Variants in CACNA2D2 observed in about 807,000 individuals in gnomAD.
CACNA2D2 encodes the protein calcium voltage-gated channel auxiliary subunit alpha2delta 2.
CACNA2D2 carries 48 observed loss-of-function variants against 166.4 expected under a neutral mutation model. That is an observed-to-expected ratio of 0.29 (90% CI 0.23 to 0.37). The LOEUF (loss-of-function observed/expected upper bound fraction) is 0.37, where lower values mean the gene tolerates loss of function less well. Ranked by LOEUF, CACNA2D2 falls within the 10% of genes least tolerant of loss-of-function variation. The pLI is 1.00. For synonymous variants in CACNA2D2, 561 were observed against 573.7 expected (o/e 0.98, Z 0.32); for missense variants, 1,122 against 1,433.0 (o/e 0.78, Z 3.50).
chr3:50,472,602 T>C (rs1050689464), intron 2 of CACNA2D2, among the ~76,000 whole-genome samples: 3 of 151,010 alleles, frequency 2.0e-5, no homozygotes, highest in Non-Finnish European at 2.9e-5. Context: ...TTCTTCATCA[T>C]GTCTGACTAT....
chr3:50,495,276 TC>T (rs762977853), intron 1 of CACNA2D2, among the ~76,000 whole-genome samples: 33 of 152,122 alleles, frequency 2.2e-4, no homozygotes, highest in Non-Finnish European at 4.3e-4. Context: ...GCACCCAGGC[TC>T]CCTGCCCCCA....
intron 1 of CACNA2D2, among the ~76,000 whole-genome samples, chr3:50,498,096 G>A (rs533976323): frequency 2.0e-5 from 3 of 152,250 alleles, no homozygotes; most frequent in African/African-American, 7.2e-5. Flanking sequence ...GCAAATCTCC[G>A]CACGGGAGTG....
chr3:50,398,716 G>A (rs747666346), intron 3 of CACNA2D2, among the ~76,000 whole-genome samples: 27 of 152,208 alleles, frequency 1.8e-4, no homozygotes, highest in Middle Eastern at 3.2e-3. Context: ...TCCCCATCAT[G>A]GCCAGGGTAT....
chr3:50,429,124 G>A, intron 3 of CACNA2D2, among the ~76,000 whole-genome samples: 1 of 152,100 alleles, frequency 6.6e-6, no homozygotes, highest in Non-Finnish European at 1.5e-5. Context: ...CGGCTACCTG[G>A]GAGGCTGAGG....
Position 50,473,120 on chromosome 3 carries a change from G to GCTATGCA in CACNA2D2, c.288+2991_288+2997dup, listed in dbSNP as rs1710168441. On this transcript the variant is annotated intron_variant, in intron 2 of 37. Coordinates refer to ENST00000424201, the MANE Select transcript of CACNA2D2 (RefSeq NM_006030.4). ...GCACCAGGCCACAAGGAGAGCTCCA[G>GCTATGCA]CTATGCACTAGCTGCGATGTTAGAT... is the stretch of plus-strand genomic sequence containing the variant. Among the ~76,000 whole-genome samples, 3 of 152,336 alleles carry GCTATGCA rather than the reference G, an allele frequency of 2.0e-5. No individual in the cohort carries two copies. The South Asian group carries it at 6.2e-4, about 32-fold the overall frequency.
intron 2 of CACNA2D2, among the ~76,000 whole-genome samples, chr3:50,441,958 A>G (rs1328733249): frequency 6.6e-6 from 1 of 152,220 alleles, no homozygotes; most frequent in African/African-American, 2.4e-5. Flanking sequence ...GCCCCCCACC[A>G]CAGGGACTAT....
Position 50,366,746 on chromosome 3 carries a change from G to A in CACNA2D2, c.2589+85C>T. On this transcript the variant is annotated intron_variant, in intron 29 of 37. Coordinates refer to ENST00000424201, the MANE Select transcript of CACNA2D2 (RefSeq NM_006030.4). This position sits in a 1 kb window ranked among gnomAD's most constrained non-coding sequence, Gnocchi z 5.9. ...GCCCTGCCTCCATGTAGGTGTTGGA[G>A]CCACTGAGTGGAGGGTTGGTGGGGG... 1.3e-6 allele frequency: 2 copies of A among 1,546,020 alleles called. No homozygotes were observed. Among genetic ancestry groups the A allele is most frequent in the Admixed American group, 3.5e-5 (2 of 57,546 alleles).
chr3:50,381,728 C>T (rs587675717), intron 6 of CACNA2D2, among the ~76,000 whole-genome samples: 1 of 152,120 alleles, frequency 6.6e-6, no homozygotes, highest in South Asian at 2.1e-4. Context: ...CACGCATGCG[C>T]ACACTGCACA....
intron 2 of CACNA2D2, among the ~76,000 whole-genome samples, chr3:50,435,530 AGATAAGGAGGGGG>A (rs932673581): frequency 2.0e-5 from 3 of 150,796 alleles, no homozygotes; most frequent in Admixed American, 1.3e-4. Flanking sequence ...TGATGAGGGG[AGATAAGGAGGGGG>A]GAGAGGCAGC....
At chr3:50,482,241 C>T (rs1049062918) in intron 1 of CACNA2D2, among the ~76,000 whole-genome samples, 2 of 152,214 alleles carry the variant, frequency 1.3e-5, no homozygotes, top group Non-Finnish European at 2.9e-5. Flanking sequence ...TAGGCCCTCG[C>T]CCTGCTGCAA....
chr3:50,494,244 A>G, intron 1 of CACNA2D2, among the ~76,000 whole-genome samples: 1 of 150,190 alleles, frequency 6.7e-6, no homozygotes, highest in East Asian at 2.0e-4. Flanking sequence ...TCATAACTGA[A>G]GTGGGGGCAG....
intron 4 of CACNA2D2, among the ~76,000 whole-genome samples, chr3:50,391,887 A>C (rs1025622203): frequency 2.0e-5 from 3 of 152,186 alleles, no homozygotes; most frequent in Non-Finnish European, 4.4e-5. Flanking sequence ...AGAGGTAAGA[A>C]GACTGCTGCT....
At chr3:50,404,942 A>C (rs979644185) in intron 3 of CACNA2D2, among the ~76,000 whole-genome samples, 12 of 152,182 alleles carry the variant, frequency 7.9e-5, no homozygotes, top group African/African-American at 2.9e-4. Context: ...ATGTATTCCC[A>C]CCTGAAAGCT....
intron 2 of CACNA2D2, among the ~76,000 whole-genome samples, chr3:50,473,810 T>C (rs1002444489): frequency 1.3e-5 from 2 of 151,924 alleles, no homozygotes; most frequent in African/African-American, 4.8e-5. Flanking sequence ...CTCACCAGAG[T>C]GCCCCGTGCC....
At chr3:50,382,805 G>A (rs909753165) in intron 6 of CACNA2D2, among the ~76,000 whole-genome samples, 3 of 152,180 alleles carry the variant, frequency 2.0e-5, no homozygotes, top group African/African-American at 4.8e-5. Context: ...GAGCAGAGGG[G>A]TGTCCCTGGT....
chr3:50,414,914 C>T (rs181612454), intron 3 of CACNA2D2, among the ~76,000 whole-genome samples: 2 of 152,336 alleles, frequency 1.3e-5, no homozygotes, highest in African/African-American at 4.8e-5. Flanking sequence ...ATCACTCACT[C>T]AAATTAACAA....
At chr3:50,445,062 C>T (rs1708776506) in intron 2 of CACNA2D2, among the ~76,000 whole-genome samples, 1 of 152,240 alleles carries the variant, frequency 6.6e-6, no homozygotes, top group Non-Finnish European at 1.5e-5. Flanking sequence ...GGATATATGG[C>T]AGCCCCAGGC....
intron 3 of CACNA2D2, among the ~76,000 whole-genome samples, chr3:50,420,779 T>C (rs1707520125): frequency 6.6e-6 from 1 of 152,206 alleles, no homozygotes; most frequent in Non-Finnish European, 1.5e-5. Flanking sequence ...TGTGTGGCTA[T>C]ATGTGCTGAG....
intron 22 of CACNA2D2, chr3:50,373,173 G>T: frequency 6.7e-6 from 6 of 889,980 alleles, no homozygotes; most frequent in Middle Eastern, 2.2e-4. Flanking sequence ...AAAGGGGAGG[G>T]GCACAAACAA....
Sources: gnomAD v4.1 joint callset for allele counts (sites outside exome capture counted in the v4.1 genomes callset) on GRCh38, gnomAD v4.1.1 for gene constraint, Gnocchi (gnomAD v3.1) non-coding constraint, MANE v1.5 for transcripts, NCBI Gene and HGNC (gene_info 2026-07-23, HGNC 2026-07-21) for gene names.